Variants in RPGRIP1L observed in about 807,000 individuals in gnomAD.
The protein encoded by RPGRIP1L is protein fantom.
A neutral mutation model predicts 160.4 loss-of-function variants in RPGRIP1L; 131 were observed. The observed-to-expected ratio is 0.82, with a 90% CI of 0.71 to 0.94. The LOEUF (loss-of-function observed/expected upper bound fraction) is 0.94, where lower values mean the gene tolerates loss of function less well. Ranked by LOEUF, RPGRIP1L falls within the 40% of genes least tolerant of loss-of-function variation. The pLI is 0.00. For synonymous variants in RPGRIP1L, 510 were observed against 515.8 expected, an observed-to-expected ratio of 0.99 and a Z score of 0.15; for missense variants, 1,522 against 1,535.8, an observed-to-expected ratio of 0.99 and a Z score of 0.15.
chr16:53,701,997 A>C (rs1373323477), intron 1 of RPGRIP1L, among the ~76,000 whole-genome samples: 1 of 152,176 alleles, frequency 6.6e-6, no homozygotes, highest in Non-Finnish European at 1.5e-5. Context: ...AATTTTTAGG[A>C]TCCTGTTGAC....
rs1567820330 is a variant in RPGRIP1L at position 53,637,789 on chromosome 16, A to G, written c.3126T>C (p.Asp1042=). 1 of 1,613,348 alleles carries G rather than the reference A, an allele frequency of 6.2e-7. No individual in the cohort carries two copies. Among genetic ancestry groups the G allele is most frequent in the Non-Finnish European group, 8.5e-7 (1 of 1,179,762 alleles). ...ENTEKMQQGK[D]DVSLLSEGQL... Reference sequence around the variant, plus strand: ...GACCTTCAGATAGTAAAGACACATCATCTTTTCCTTGCTGCATTTTCTCAG... The same window carrying G: ...GACCTTCAGATAGTAAAGACACATCGTCTTTTCCTTGCTGCATTTTCTCAG... Residue 1042 remains aspartate (D), a synonymous_variant, in exon 21 of 27, where the codon GAT becomes GAC. Coordinates refer to ENST00000647211, the MANE Select transcript of RPGRIP1L (RefSeq NM_015272.5).
At chr16:53,609,851 C>G (rs982432381) in intron 25 of RPGRIP1L, among the ~76,000 whole-genome samples, 3 of 152,070 alleles carry the variant, frequency 2.0e-5, no homozygotes, top group African/African-American at 7.2e-5. Context: ...AGTGATAAAG[C>G]TATATTATCA....
chr16:53,698,280 G>GCC (rs1377405439), intron 2 of RPGRIP1L, among the ~76,000 whole-genome samples: 2 of 144,108 alleles, frequency 1.4e-5, no homozygotes, highest in Non-Finnish European at 1.5e-5. Flanking sequence ...TGGGGGGTCA[G>GCC]CCCCCGCCAG....
intron 10 of RPGRIP1L, among the ~76,000 whole-genome samples, chr16:53,664,052 A>C (rs750619694): frequency 1.3e-5 from 2 of 152,222 alleles, no homozygotes; most frequent in Non-Finnish European, 2.9e-5. Flanking sequence ...GCAAGTTTTC[A>C]AAAGCAGCAA....
chr16:53,637,955 A>C (rs1310092956), intron 20 of RPGRIP1L, 101 bp from the exon 21 acceptor site: 2 of 1,130,702 alleles, frequency 1.8e-6, no homozygotes, highest in Middle Eastern at 2.0e-4. Flanking sequence ...TAAATTTGAG[A>C]CTTAAATATA....
intron 11 of RPGRIP1L, 72 bp downstream of exon 11, chr16:53,658,679 ATGCTTTCGCTTTGTAGTATAG>A: frequency 1.1e-6 from 1 of 913,498 alleles, no homozygotes; most frequent in South Asian, 1.4e-5. Context: ...ATATATCTGT[ATGCTTTCGCTTTGTAGTATAG>A]TGCTTTCTCT....
intron 24 of RPGRIP1L, among the ~76,000 whole-genome samples, chr16:53,615,618 C>T (rs1035398311): frequency 1.4e-4 from 21 of 151,480 alleles, no homozygotes; most frequent in Non-Finnish European, 2.1e-4. Context: ...GGATTACAGG[C>T]GCCTGCCACC....
intron 22 of RPGRIP1L, among the ~76,000 whole-genome samples, chr16:53,631,365 G>C (rs2095578551): frequency 6.6e-6 from 1 of 152,134 alleles, no homozygotes; most frequent in South Asian, 2.1e-4. Flanking sequence ...CAGAGAAAGA[G>C]AATGATGTAA....
At chr16:53,662,678 A>G (rs1276264936) in intron 10 of RPGRIP1L, among the ~76,000 whole-genome samples, 1 of 152,086 alleles carries the variant, frequency 6.6e-6, no homozygotes, top group Non-Finnish European at 1.5e-5. Flanking sequence ...AAAGGCTGTA[A>G]TATTTTTCTT....
At chr16:53,660,722 G>A (rs1384024127) in intron 10 of RPGRIP1L, among the ~76,000 whole-genome samples, 3 of 150,458 alleles carry the variant, frequency 2.0e-5, no homozygotes, top group African/African-American at 4.9e-5. Context: ...GGTGAACCCC[G>A]TCTCTACTAA....
intron 10 of RPGRIP1L, among the ~76,000 whole-genome samples, chr16:53,660,866 C>T (rs1179132730): frequency 1.1e-4 from 16 of 149,156 alleles, no homozygotes; most frequent in Admixed American, 5.4e-4. Flanking sequence ...GCACTCCAGC[C>T]TGGGCAATAG....
Position 53,645,713 on chromosome 16 carries a change from A to C in RPGRIP1L, c.2595T>G (p.Val865=), listed in dbSNP as rs546554009. 2 of 1,614,148 alleles carry C rather than the reference A, an allele frequency of 1.2e-6. No homozygotes were observed. The highest frequency in any genetic ancestry group is 2.2e-5 in the South Asian group (2 of 91,078). The part of the protein sequence containing the change: ...YLKSESLSFY[V]FDDSDTQENI... ...TCTCCTGGGTATCACTATCATCAAA[A>C]ACATAAAAACTCAGAGACTCTGACT... is the stretch of plus-strand genomic sequence containing the variant. Residue 865 remains valine (V), a synonymous_variant, in exon 17 of 27, where the codon GTT becomes GTG. Transcript: ENST00000647211.
intron 7 of RPGRIP1L, among the ~76,000 whole-genome samples, chr16:53,674,662 G>A (rs561166740): frequency 1.6e-4 from 24 of 152,104 alleles, no homozygotes; most frequent in Admixed American, 7.2e-4. Flanking sequence ...TAAAATTGAA[G>A]ATATATGCAA....
At chr16:53,698,653 C>T (rs1255994522) in intron 2 of RPGRIP1L, among the ~76,000 whole-genome samples, 11 of 131,196 alleles carry the variant, frequency 8.4e-5, no homozygotes, top group Admixed American at 2.3e-4. Context: ...CCAGCCGCCC[C>T]GTCGGGAGGG....
At chr16:53,602,295 A>G in intron 26 of RPGRIP1L, 107 bp from the exon 27 acceptor site, 1 of 766,108 alleles carries the variant, frequency 1.3e-6, no homozygotes, top group Non-Finnish European at 2.3e-6. Flanking sequence ...GTTCTACAGA[A>G]GTCCAAAGTT....
chr16:53,673,587 CAT>C (rs1173376892), intron 7 of RPGRIP1L, among the ~76,000 whole-genome samples: 3 of 151,954 alleles, frequency 2.0e-5, no homozygotes, highest in South Asian at 2.1e-4. Flanking sequence ...TTTAATGTCA[CAT>C]AGTTTTTTTT....
Position 53,612,574 on chromosome 16 carries a change from T to C in RPGRIP1L, c.3617-1523A>G, listed in dbSNP as rs966098056. Among the ~76,000 whole-genome samples the C allele has an allele frequency of 5.3e-5, 8 of 151,826 alleles. No individual in the cohort carries two copies. The East Asian group carries it at 1.6e-3, about 29-fold the overall frequency. The stretch of plus-strand genomic sequence containing the variant: ...TTTGACTTCAGAGTTGTAAAGCTTT[T>C]ATGTCGTACTGGCTTCCATAGTTTG... On this transcript the variant is annotated intron_variant, in intron 24 of 26. Transcript: ENST00000647211.
intron 4 of RPGRIP1L, 139 bp downstream of exon 4, chr16:53,691,927 T>G: frequency 1.2e-6 from 1 of 802,176 alleles, no homozygotes; most frequent in Non-Finnish European, 2.1e-6. Flanking sequence ...CAATATTATT[T>G]TATCAAAGTA....
chr16:53,671,443 C>G (rs950387623), intron 9 of RPGRIP1L, 67 bp downstream of exon 9: 25 of 987,382 alleles, frequency 2.5e-5, no homozygotes, highest in Non-Finnish European at 3.7e-5. Context: ...ATTCTGACAA[C>G]AGCAAATGCT....
Sources: gnomAD v4.1 joint callset for allele counts (sites outside exome capture counted in the v4.1 genomes callset) on GRCh38, gnomAD v4.1.1 for gene constraint, MANE v1.5 for transcripts, NCBI Gene and HGNC (gene_info 2026-07-23, HGNC 2026-07-21) for gene names.